The following SYT2 variants were observed in gnomAD, a reference collection of about 807,000 sequenced individuals.
The protein encoded by SYT2 is synaptotagmin-2.
Under a neutral mutation model 39.9 loss-of-function variants are expected in SYT2, and 15 were observed. The observed-to-expected ratio is 0.38, with a 90% CI of 0.25 to 0.58. SYT2 has a LOEUF of 0.58. Among genes scored for constraint, SYT2 ranks in the 20% least tolerant of loss-of-function variants. The pLI, the probability that SYT2 is intolerant of heterozygous loss-of-function variation, is 0.70. For synonymous variants in SYT2, 181 were observed against 204.5 expected, an observed-to-expected ratio of 0.89 and a Z score of 0.98; for missense variants, 389 against 530.3, an observed-to-expected ratio of 0.73 and a Z score of 2.62.
chr1:202,683,848 A>G (rs933626607), intron 1 of SYT2, among the ~76,000 whole-genome samples: 13 of 151,994 alleles, frequency 8.6e-5, no homozygotes, highest in African/African-American at 3.1e-4. Context: ...GGCATTTCCC[A>G]TTCACTAAGG....
chr1:202,666,183 A>T (rs4950786), intron 1 of SYT2, among the ~76,000 whole-genome samples: 84,054 of 149,882 alleles, frequency 0.56, 25,028 homozygotes, highest in East Asian at 0.79. Context: ...CTAAAATAAG[A>T]TAGTTTTGTG....
chr1:202,625,377 G>A (rs1691368837), intron 1 of SYT2, among the ~76,000 whole-genome samples: 1 of 149,130 alleles, frequency 6.7e-6, no homozygotes, highest in Admixed American at 6.7e-5. Context: ...TGTGGTGTGT[G>A]TGTGTAGTGT....
chr1:202,659,991 C>T (rs993704078), intron 1 of SYT2, among the ~76,000 whole-genome samples: 1 of 152,146 alleles, frequency 6.6e-6, no homozygotes, highest in Admixed American at 6.5e-5. Context: ...GGAGGTCCTT[C>T]AATGAAAACA....
chr1:202,667,466 C>CATGT (rs1285664767), intron 1 of SYT2, among the ~76,000 whole-genome samples: 16 of 140,744 alleles, frequency 1.1e-4, no homozygotes, highest in Admixed American at 3.5e-4. Flanking sequence ...AGTGACCAGC[C>CATGT]GTGTGTGTGT....
At chr1:202,687,037 T>C (rs2149115276) in intron 1 of SYT2, among the ~76,000 whole-genome samples, 1 of 152,248 alleles carries the variant, frequency 6.6e-6, no homozygotes, top group African/African-American at 2.4e-5. Context: ...TGTATTCAAA[T>C]GACCTGTTGA....
chr1:202,611,939 C>T (rs1690893174), intron 1 of SYT2, among the ~76,000 whole-genome samples: 2 of 152,100 alleles, frequency 1.3e-5, no homozygotes, highest in African/African-American at 4.8e-5. Context: ...CAGCCATGGC[C>T]TCCTGAGCTC....
intron 1 of SYT2, among the ~76,000 whole-genome samples, chr1:202,631,516 G>GA (rs544050257): frequency 6.6e-6 from 1 of 152,172 alleles, no homozygotes; most frequent in East Asian, 1.9e-4. Flanking sequence ...CCCCTGAGAG[G>GA]AAAAAAATCA....
chr1:202,647,787 A>G (rs1246867848), intron 1 of SYT2, among the ~76,000 whole-genome samples: 1 of 151,396 alleles, frequency 6.6e-6, no homozygotes, highest in Non-Finnish European at 1.5e-5. Context: ...CACGACCATC[A>G]CTAGTGCTAA....
intron 1 of SYT2, among the ~76,000 whole-genome samples, chr1:202,637,625 T>C (rs1691775533): frequency 6.6e-6 from 1 of 151,848 alleles, no homozygotes; most frequent in Non-Finnish European, 1.5e-5. Flanking sequence ...TCTGCCCCAC[T>C]GTGAGCAGCA....
chr1:202,663,411 C>T (rs1692423084), intron 1 of SYT2, among the ~76,000 whole-genome samples: 1 of 152,204 alleles, frequency 6.6e-6, no homozygotes, highest in African/African-American at 2.4e-5. Flanking sequence ...GTACACAATA[C>T]TTCCCCAAGA....
At chr1:202,698,447 G>A (rs1041181688) in intron 1 of SYT2, among the ~76,000 whole-genome samples, 7 of 152,114 alleles carry the variant, frequency 4.6e-5, no homozygotes, top group African/African-American at 1.4e-4. Flanking sequence ...CCCGCCCTCC[G>A]CTTCACTCAT....
chr1:202,632,420 G>A, intron 1 of SYT2: 1 of 348,748 alleles, frequency 2.9e-6, no homozygotes, highest in Non-Finnish European at 4.0e-6. Flanking sequence ...TGAGACTCCG[G>A]CTCATCACAC....
chr1:202,665,731 T>C (rs147558908), intron 1 of SYT2, among the ~76,000 whole-genome samples: 3 of 152,364 alleles, frequency 2.0e-5, no homozygotes, highest in African/African-American at 7.2e-5. Flanking sequence ...CTCCCCCGCA[T>C]CTGTCTCTTG....
In SYT2 at chr1:202,681,923, C is replaced by A. The variant is rs1653536474; in HGVS notation, c.-18+28335G>T. On this transcript the variant is annotated intron_variant, in intron 1 of 8. Coordinates refer to ENST00000367268, the MANE Select transcript of SYT2 (RefSeq NM_177402.5). ...GCCTCCGTGGGGATCAGATCCAAGA[C>A]CGTGACCTCATCAGCTACCCCTTCA... Among the ~76,000 whole-genome samples the A allele has an allele frequency of 2.6e-5, 4 of 152,216 alleles. No individual in the cohort carries two copies. The South Asian group carries it at 8.3e-4, about 31-fold the overall frequency.
chr1:202,687,985 G>A (rs146698267), intron 1 of SYT2, among the ~76,000 whole-genome samples: 204 of 152,218 alleles, frequency 1.3e-3, no homozygotes, highest in African/African-American at 4.6e-3. Flanking sequence ...GGATGGAGGC[G>A]GTGCCCTGGA....
chr1:202,657,605 C>T (rs1692301351), intron 1 of SYT2, among the ~76,000 whole-genome samples: 1 of 152,084 alleles, frequency 6.6e-6, no homozygotes, highest in Non-Finnish European at 1.5e-5. Context: ...GCTGTGAGAT[C>T]GCCTTAGGGA....
At position 202,599,182 on chromosome 1, in the gene SYT2, C is replaced by A. The variant is rs1351589057; in HGVS notation, c.1053+36G>T. The A allele has an allele frequency of 3.1e-6, 5 of 1,610,826 alleles. No individual in the cohort carries two copies. In the Admixed American group the frequency reaches 8.4e-5, roughly 27 times the overall value. On this transcript the variant is annotated intron_variant, in intron 8 of 8. Coordinates refer to ENST00000367268, the MANE Select transcript of SYT2 (RefSeq NM_177402.5). The surrounding 1 kb of genome is among the most constrained non-coding windows in gnomAD (Gnocchi z 4.4). ...CCCCATACATGTTTGCCTCCCCAAACCCTGCTCCATGCCTAGGAACCCAGG... is the reference window on the plus strand; with the variant it reads ...CCCCATACATGTTTGCCTCCCCAAAACCTGCTCCATGCCTAGGAACCCAGG...
At chr1:202,664,410 A>G (rs1431197774) in intron 1 of SYT2, among the ~76,000 whole-genome samples, 1 of 152,208 alleles carries the variant, frequency 6.6e-6, no homozygotes, top group Non-Finnish European at 1.5e-5. Context: ...ATGCAATGAA[A>G]TATCCTCATT....
chr1:202,645,954 CT>C (rs2149100066), intron 1 of SYT2, among the ~76,000 whole-genome samples: 1 of 152,334 alleles, frequency 6.6e-6, no homozygotes, highest in South Asian at 2.1e-4. Flanking sequence ...TTCTTATCAA[CT>C]TTCCCAGGAG....
Sources: gnomAD v4.1 joint callset for allele counts (sites outside exome capture counted in the v4.1 genomes callset) on GRCh38, gnomAD v4.1.1 for gene constraint, Gnocchi (gnomAD v3.1) non-coding constraint, MANE v1.5 for transcripts, NCBI Gene and HGNC (gene_info 2026-07-23, HGNC 2026-07-21) for gene names.